The following LIN7A variants were observed in gnomAD, a reference collection of about 807,000 sequenced individuals.
LIN7A encodes lin-7 cell polarity scaffold A, also known as protein lin-7 homolog A.
LIN7A carries 25 observed loss-of-function variants against 29.8 expected under a neutral mutation model. The ratio of observed to expected loss-of-function variants is 0.84; its 90% CI spans 0.61 to 1.17. The LOEUF is 1.17. Ranked by LOEUF, LIN7A falls within the 50% of genes most tolerant of loss-of-function variation. The probability of loss-of-function intolerance (pLI) is 0.00; values close to 1 mark genes in which losing one functional copy is unlikely to be tolerated. For synonymous variants in LIN7A, 118 were observed against 107.5 expected (o/e 1.10, Z -0.60); for missense variants, 239 against 287.0 (o/e 0.83, Z 1.21).
At chr12:80,812,054 C>T (rs1372653173) in intron 4 of LIN7A, among the ~76,000 whole-genome samples, 2 of 151,974 alleles carry the variant, frequency 1.3e-5, no homozygotes, top group Non-Finnish European at 2.9e-5. Context: ...ATTTCTGTAT[C>T]AGATATTAAA....
chr12:80,934,908 A>T (rs1878124881), intron 1 of LIN7A, among the ~76,000 whole-genome samples: 1 of 152,168 alleles, frequency 6.6e-6, no homozygotes. Context: ...TTGGTTAAAC[A>T]TCACAGTTTT....
intron 1 of LIN7A, among the ~76,000 whole-genome samples, chr12:80,928,517 A>C (rs1332248021): frequency 6.6e-6 from 1 of 152,114 alleles, no homozygotes; most frequent in African/African-American, 2.4e-5. Context: ...GTCTGTTCAT[A>C]TCTTTTTCCC....
intron 1 of LIN7A, among the ~76,000 whole-genome samples, chr12:80,919,683 T>A (rs1328038358): frequency 1.3e-5 from 2 of 152,176 alleles, no homozygotes; most frequent in East Asian, 3.9e-4. Context: ...CCTTTGATAG[T>A]ATATGTATAT....
intron 4 of LIN7A, among the ~76,000 whole-genome samples, chr12:80,838,633 C>T (rs1010711507): frequency 6.6e-6 from 1 of 152,208 alleles, no homozygotes; most frequent in African/African-American, 2.4e-5. Context: ...TCAGCTTGCA[C>T]TCCTATTTAA....
chr12:80,916,445 C>T (rs777044775), intron 1 of LIN7A, among the ~76,000 whole-genome samples: 8 of 152,028 alleles, frequency 5.3e-5, no homozygotes, highest in Non-Finnish European at 4.4e-5. Flanking sequence ...GCTGTTTGTC[C>T]AACACTTTAG....
chr12:80,897,662 C>T (rs1383372815), intron 1 of LIN7A, among the ~76,000 whole-genome samples: 4 of 151,772 alleles, frequency 2.6e-5, no homozygotes, highest in Non-Finnish European at 5.9e-5. Context: ...AAAAATTAGC[C>T]GGCGTGGTGG....
At chr12:80,914,484 C>T (rs1171626772) in intron 1 of LIN7A, among the ~76,000 whole-genome samples, 3 of 152,202 alleles carry the variant, frequency 2.0e-5, no homozygotes, top group Non-Finnish European at 4.4e-5. Flanking sequence ...AATAAATACA[C>T]CAGTCAGATT....
At chr12:80,821,623 T>C (rs1871809487) in intron 4 of LIN7A, among the ~76,000 whole-genome samples, 1 of 152,170 alleles carries the variant, frequency 6.6e-6, no homozygotes, top group Non-Finnish European at 1.5e-5. Flanking sequence ...GAGTGGACAC[T>C]GCGAAGACAC....
chr12:80,888,547 G>T (rs1875454563), intron 2 of LIN7A, among the ~76,000 whole-genome samples: 1 of 152,094 alleles, frequency 6.6e-6, no homozygotes, highest in African/African-American at 2.4e-5. Context: ...ATGGATTTAT[G>T]GACTTTAGGT....
intron 4 of LIN7A, among the ~76,000 whole-genome samples, chr12:80,838,140 A>G (rs1872664049): frequency 6.6e-6 from 1 of 152,214 alleles, no homozygotes. Context: ...GTCTGATCCC[A>G]TGTGTGGGAA....
chr12:80,842,389 GGA>G (rs1165547644), intron 4 of LIN7A, among the ~76,000 whole-genome samples: 2 of 152,034 alleles, frequency 1.3e-5, no homozygotes, highest in Non-Finnish European at 2.9e-5. Flanking sequence ...TTTAGAAAAA[GGA>G]TATGTCATGG....
At chr12:80,806,658 G>A (rs1433683844) in intron 5 of LIN7A, among the ~76,000 whole-genome samples, 1 of 152,172 alleles carries the variant, frequency 6.6e-6, no homozygotes, top group East Asian at 1.9e-4. Context: ...ATAAAAACCT[G>A]AGATGCTTAA....
intron 5 of LIN7A, among the ~76,000 whole-genome samples, chr12:80,799,504 A>T (rs958637145): frequency 6.6e-6 from 1 of 152,208 alleles, no homozygotes; most frequent in Non-Finnish European, 1.5e-5. Context: ...TAAAATAGGG[A>T]AATAACCCTG....
intron 2 of LIN7A, among the ~76,000 whole-genome samples, chr12:80,854,404 A>T (rs1353259180): frequency 6.8e-6 from 1 of 147,202 alleles, no homozygotes; most frequent in East Asian, 2.0e-4. Flanking sequence ...GTGAGACCCC[A>T]TCTCTACAAA....
chr12:80,890,900 A>G (rs950167339), intron 1 of LIN7A, among the ~76,000 whole-genome samples: 4 of 152,102 alleles, frequency 2.6e-5, no homozygotes, highest in Admixed American at 2.0e-4. Flanking sequence ...CTATCTCTAA[A>G]ACAACAACAG....
At chr12:80,889,013 A>T (rs143737254) in intron 2 of LIN7A, among the ~76,000 whole-genome samples, 2 of 152,244 alleles carry the variant, frequency 1.3e-5, no homozygotes, top group African/African-American at 4.8e-5. Flanking sequence ...GTCACCTGCT[A>T]GGCAGTCCCT....
At chr12:80,868,124 C>T (rs1874233717) in intron 2 of LIN7A, among the ~76,000 whole-genome samples, 1 of 152,178 alleles carries the variant, frequency 6.6e-6, no homozygotes, top group South Asian at 2.1e-4. Flanking sequence ...ACTTCTTTTA[C>T]TGATAATGTT....
chr12:80,873,051 G>A (rs1223469793), intron 2 of LIN7A, among the ~76,000 whole-genome samples: 1 of 152,210 alleles, frequency 6.6e-6, no homozygotes, highest in Non-Finnish European at 1.5e-5. Flanking sequence ...TCTTTAGAAA[G>A]ATGTGTGTGG....
chr12:80,811,774 A>C, intron 4 of LIN7A, 91 bp from the exon 5 acceptor site: 1 of 1,432,844 alleles, frequency 7.0e-7, no homozygotes. Flanking sequence ...TTAAGAACCC[A>C]AAATTTAAAA....
Sources: allele counts gnomAD v4.1 joint callset (sites outside exome capture counted in the v4.1 genomes callset), GRCh38; gene constraint gnomAD v4.1.1; transcripts MANE v1.5; gene names NCBI Gene and HGNC (gene_info 2026-07-23, HGNC 2026-07-21).